The following ARL15 variants were observed in gnomAD, a reference collection of about 807,000 sequenced individuals.
ARL15 encodes ARF like GTPase 15.
Under a neutral mutation model 25.2 loss-of-function variants are expected in ARL15, and 19 were observed. That is an observed-to-expected ratio of 0.75 (90% confidence interval 0.53 to 1.10). ARL15 has a LOEUF of 1.10. Among genes scored for constraint, ARL15 ranks in the 50% least tolerant of loss-of-function variants. The pLI, the probability that ARL15 is intolerant of heterozygous loss-of-function variation, is 0.00. For synonymous variants in ARL15, 94 were observed against 86.8 expected (o/e 1.08, Z -0.46); for missense variants, 220 against 246.0 (o/e 0.89, Z 0.71).
rs142903616 is a variant in ARL15, at chr5:54,145,369, A to G, written c.253+9211T>C. On this transcript the variant is annotated intron_variant, in intron 3 of 4. Transcript: ENST00000504924. ...GGACCGCAAGAAATTAAATGCAACA[A>G]ATTTTTGATTCCTCAAAAGAACACT... Among the ~76,000 whole-genome samples, 1,032 of 152,348 alleles carry G rather than the reference A, an allele frequency of 6.8e-3. 10 individuals are homozygous for G. Among genetic ancestry groups the G allele is most frequent in the African/African-American group, 0.024 (991 of 41,592 alleles).
intron 4 of ARL15, among the ~76,000 whole-genome samples, chr5:54,097,098 T>A (rs1356485373): frequency 1.3e-5 from 2 of 152,116 alleles, no homozygotes; most frequent in Non-Finnish European, 2.9e-5. Context: ...CAGTGGCTCA[T>A]GAGGTCAAGA....
intron 4 of ARL15, among the ~76,000 whole-genome samples, chr5:53,911,308 T>C (rs1018444786): frequency 1.3e-5 from 2 of 151,992 alleles, no homozygotes; most frequent in African/African-American, 2.4e-5. Flanking sequence ...TGTTTTACTA[T>C]ATAAAATGAA....
intron 4 of ARL15, among the ~76,000 whole-genome samples, chr5:54,112,283 G>A (rs1053951396): frequency 1.8e-4 from 27 of 152,176 alleles, no homozygotes; most frequent in African/African-American, 6.5e-4. Context: ...CCAGGCACAA[G>A]AATAGGCTAT....
At chr5:53,996,158 T>G (rs545157972) in intron 4 of ARL15, among the ~76,000 whole-genome samples, 1 of 152,296 alleles carries the variant, frequency 6.6e-6, no homozygotes, top group East Asian at 1.9e-4. Context: ...TCTTAAACTT[T>G]TAGTTAAACT....
intron 4 of ARL15, among the ~76,000 whole-genome samples, chr5:53,957,685 A>G (rs1747204124): frequency 6.6e-6 from 1 of 152,006 alleles, no homozygotes; most frequent in African/African-American, 2.4e-5. Context: ...TTAGCTGGGT[A>G]TGGTGGTATA....
chr5:54,127,967 T>C (rs1753314327), intron 3 of ARL15, among the ~76,000 whole-genome samples: 1 of 151,074 alleles, frequency 6.6e-6, no homozygotes, highest in Non-Finnish European at 1.5e-5. Flanking sequence ...GCTAGCCATA[T>C]GTAGCAAGCT....
intron 1 of ARL15, among the ~76,000 whole-genome samples, chr5:54,235,743 A>C (rs895313812): frequency 6.6e-6 from 1 of 152,156 alleles, no homozygotes; most frequent in Non-Finnish European, 1.5e-5. Flanking sequence ...AAGTGCTGGG[A>C]TTACAGGTGT....
At chr5:53,982,548 G>A (rs1293347134) in intron 4 of ARL15, among the ~76,000 whole-genome samples, 1 of 152,114 alleles carries the variant, frequency 6.6e-6, no homozygotes, top group East Asian at 1.9e-4. Context: ...GTATTCCATG[G>A]TGTCTATGTG....
At chr5:54,074,409 C>T (rs1212803951) in intron 4 of ARL15, among the ~76,000 whole-genome samples, 1 of 152,148 alleles carries the variant, frequency 6.6e-6, no homozygotes, top group African/African-American at 2.4e-5. Flanking sequence ...GTCCACAAAC[C>T]ACAGATTGTC....
chr5:54,271,663 A>C (rs1032457269), intron 1 of ARL15, among the ~76,000 whole-genome samples: 1 of 152,204 alleles, frequency 6.6e-6, no homozygotes, highest in African/African-American at 2.4e-5. Context: ...TAGTCAACAG[A>C]GAGCCAGGAA....
chr5:54,099,793 A>G (rs1225168255), intron 4 of ARL15, among the ~76,000 whole-genome samples: 1 of 152,136 alleles, frequency 6.6e-6, no homozygotes, highest in Non-Finnish European at 1.5e-5. Context: ...AATCCTCACC[A>G]TTCACTACAA....
At chr5:54,004,544 G>A (rs1580161485) in intron 4 of ARL15, among the ~76,000 whole-genome samples, 1 of 151,630 alleles carries the variant, frequency 6.6e-6, no homozygotes, top group African/African-American at 2.4e-5. Flanking sequence ...GGAAGCTGTA[G>A]AACAGTGACA....
intron 4 of ARL15, among the ~76,000 whole-genome samples, chr5:54,022,706 G>A (rs1749646346): frequency 6.6e-6 from 1 of 151,988 alleles, no homozygotes; most frequent in South Asian, 2.1e-4. Context: ...CCACCATCAG[G>A]CCCTTTTTTG....
intron 2 of ARL15, among the ~76,000 whole-genome samples, chr5:54,163,113 T>C (rs1384320379): frequency 2.6e-5 from 4 of 152,122 alleles, no homozygotes; most frequent in Admixed American, 2.0e-4. Context: ...CAAAAATTGA[T>C]GCTGAGTTTT....
intron 3 of ARL15, among the ~76,000 whole-genome samples, chr5:54,131,389 C>G (rs1483111425): frequency 1.3e-5 from 2 of 152,300 alleles, no homozygotes; most frequent in African/African-American, 4.8e-5. Flanking sequence ...GTTTGAATTT[C>G]TCCTCCTCCT....
intron 4 of ARL15, among the ~76,000 whole-genome samples, chr5:53,940,928 G>A (rs916520763): frequency 1.3e-5 from 2 of 152,100 alleles, no homozygotes; most frequent in African/African-American, 4.8e-5. Context: ...ACTAGGTCAA[G>A]CTTTTACAAG....
In ARL15 at chr5:54,114,456, C is replaced by CATGTCAT. The variant is rs1413752959; in HGVS notation, c.254-1053_254-1047dup. Among the ~76,000 whole-genome samples the CATGTCAT allele has an allele frequency of 4.1e-5, 6 of 146,886 alleles. No individual in the cohort carries two copies. The South Asian group carries it at 1.1e-3, about 27-fold the overall frequency. ...ACATGGAGAGTCTCATCAGCCAAGGCATGTCATGTAGTATTCCTCTTTGTA... is the reference window on the plus strand; with the variant it reads ...ACATGGAGAGTCTCATCAGCCAAGGCATGTCATATGTCATGTAGTATTCCTCTTTGTA... On this transcript the variant is annotated intron_variant, in intron 3 of 4. Coordinates refer to ENST00000504924, the MANE Select transcript of ARL15 (RefSeq NM_019087.3).
intron 1 of ARL15, among the ~76,000 whole-genome samples, chr5:54,254,665 T>C (rs1332424639): frequency 6.6e-6 from 1 of 152,220 alleles, no homozygotes; most frequent in Non-Finnish European, 1.5e-5. Flanking sequence ...AGGCCCTTCA[T>C]AAAGTGGTTT....
At chr5:54,035,467 G>A (rs62370378) in intron 4 of ARL15, among the ~76,000 whole-genome samples, 5,277 of 152,210 alleles carry the variant, frequency 0.035, 156 homozygotes, top group Admixed American at 0.078. Context: ...TTAATTAAAT[G>A]TATTTATGAT....
Sources: allele counts gnomAD v4.1 joint callset (sites outside exome capture counted in the v4.1 genomes callset), GRCh38; gene constraint gnomAD v4.1.1; transcripts MANE v1.5; gene names NCBI Gene and HGNC (gene_info 2026-07-23, HGNC 2026-07-21).